The following MEI4 variants were observed in gnomAD, a reference collection of about 807,000 sequenced individuals.
MEI4 encodes meiosis-specific protein MEI4.
A neutral mutation model predicts 31.4 loss-of-function variants in MEI4; 27 were observed. The ratio of observed to expected loss-of-function variants is 0.86; its 90% CI spans 0.63 to 1.19. The LOEUF is 1.19. Ranked by LOEUF, MEI4 falls within the 50% of genes most tolerant of loss-of-function variation. MEI4 has a pLI of 0.00. For synonymous variants in MEI4, 122 were observed against 145.4 expected, an observed-to-expected ratio of 0.84 and a Z score of 1.16; for missense variants, 329 against 398.9, an observed-to-expected ratio of 0.82 and a Z score of 1.49.
At chr6:77,859,779 A>G (rs6941246) in intron 4 of MEI4, among the ~76,000 whole-genome samples, 1 of 152,156 alleles carries the variant, frequency 6.6e-6, no homozygotes, top group East Asian at 1.9e-4. Context: ...CGTACTCACA[A>G]ATGCATTTGA....
chr6:77,923,940 G>A lies in MEI4; in HGVS notation c.*594G>A. Reference sequence around the variant, plus strand: ...GCTAATACATTTGTCGAGCTCTTTTGAAAATACTATTAATTAGTTGTTTAA... The same window carrying A: ...GCTAATACATTTGTCGAGCTCTTTTAAAAATACTATTAATTAGTTGTTTAA... On this transcript the variant is annotated 3_prime_UTR_variant, in exon 5 of 5. Coordinates refer to ENST00000684080, the MANE Select transcript of MEI4 (RefSeq NM_001322247.2). The A allele has an allele frequency of 1.2e-5, 1 of 81,282 alleles. No homozygotes were observed. The highest frequency in any genetic ancestry group is 9.6e-4 in the East Asian group (1 of 1,044). The allele number at this position is 81,282 out of a possible 1,614,324, so 5.0% of individuals were successfully genotyped here. A position where few individuals can be genotyped will look rare whatever the true frequency, so the allele number is the denominator to read the frequency against.
intron 4 of MEI4, among the ~76,000 whole-genome samples, chr6:77,856,037 G>A (rs141621177): frequency 3.9e-5 from 6 of 151,940 alleles, no homozygotes; most frequent in African/African-American, 1.4e-4. Context: ...TCTTCTTCTG[G>A]TATCTTGCCC....
chr6:77,737,211 A>G (rs1036277097), intron 2 of MEI4, among the ~76,000 whole-genome samples: 11 of 152,216 alleles, frequency 7.2e-5, no homozygotes, highest in Non-Finnish European at 1.6e-4. Flanking sequence ...TATACTTTCC[A>G]TAAGTTATTT....
intron 4 of MEI4, among the ~76,000 whole-genome samples, chr6:77,907,429 T>A (rs554116107): frequency 6.6e-6 from 1 of 152,242 alleles, no homozygotes; most frequent in South Asian, 2.1e-4. Flanking sequence ...AGAATGATGG[T>A]TTCCAGCTTC....
intron 1 of MEI4, among the ~76,000 whole-genome samples, chr6:77,655,673 A>G (rs1031392164): frequency 3.9e-5 from 6 of 152,194 alleles, no homozygotes; most frequent in African/African-American, 1.4e-4. Context: ...TCCTTAAAAT[A>G]ACGAAAGTAC....
rs553440043 is a variant in MEI4 at position 77,794,606 on chromosome 6, T to G, written c.768+32941T>G. 5.9e-5 allele frequency among the ~76,000 whole-genome samples: 9 copies of G among 152,150 alleles called. No homozygotes were observed. In the East Asian group the frequency reaches 1.7e-3, roughly 29 times the overall value. On this transcript the variant is annotated intron_variant, in intron 3 of 4. Coordinates refer to ENST00000684080, the MANE Select transcript of MEI4 (RefSeq NM_001322247.2). ...AACATCAAAGCACGTAAATATATTT[T>G]AGTTACAAATATTAACAAAACTGAA... is the stretch of plus-strand genomic sequence containing the variant.
chr6:77,774,771 GT>G (rs1768397429), intron 3 of MEI4, among the ~76,000 whole-genome samples: 1 of 151,916 alleles, frequency 6.6e-6, no homozygotes, highest in African/African-American at 2.4e-5. Flanking sequence ...ACTCATAATA[GT>G]TTAGAAAAAT....
intron 3 of MEI4, among the ~76,000 whole-genome samples, chr6:77,801,372 C>A (rs1644177020): frequency 6.6e-6 from 1 of 151,726 alleles, no homozygotes; most frequent in Non-Finnish European, 1.5e-5. Flanking sequence ...GTCTATTCTT[C>A]TCTGTTTTCT....
intron 3 of MEI4, among the ~76,000 whole-genome samples, chr6:77,822,007 GC>G (rs1769838557): frequency 6.6e-6 from 1 of 152,066 alleles, no homozygotes. Context: ...CTTTTTGCCA[GC>G]AGAGCAACCC....
chr6:77,690,877 G>A lies in MEI4; in HGVS notation c.206G>A (p.Arg69Lys). The A allele has an allele frequency of 8.1e-7, 1 of 1,231,204 alleles. No individual in the cohort carries two copies. Among genetic ancestry groups the A allele is most frequent in the Non-Finnish European group, 1.0e-6 (1 of 987,238 alleles). The allele number at this position is 1,231,204 out of a possible 1,614,324, so 76.3% of individuals were successfully genotyped here. The change falls in exon 2 of 5, where the codon AGG becomes AAG. Residue 69 changes from arginine (R) to lysine (K), a missense_variant. By Grantham distance (26) the Arg-to-Lys change is conservative. Coordinates refer to ENST00000684080, the MANE Select transcript of MEI4 (RefSeq NM_001322247.2). ...MQLRQKLLVS[R>K]LCSGSFKSGY... is the part of the protein sequence containing the mutation. Reference sequence around the variant, plus strand: ...TTACGTCAAAAACTTCTTGTGAGCAGGCTTTGTTCAGGATCCTTTAAGAGT... The same window carrying A: ...TTACGTCAAAAACTTCTTGTGAGCAAGCTTTGTTCAGGATCCTTTAAGAGT...
intron 3 of MEI4, among the ~76,000 whole-genome samples, chr6:77,780,178 A>G (rs934850316): frequency 6.6e-6 from 1 of 152,208 alleles, no homozygotes; most frequent in East Asian, 1.9e-4. Context: ...AGGTTTGCAT[A>G]GCTTCAGTAA....
chr6:77,871,314 T>C (rs1771184795), intron 4 of MEI4, among the ~76,000 whole-genome samples: 1 of 152,326 alleles, frequency 6.6e-6, no homozygotes, highest in South Asian at 2.1e-4. Flanking sequence ...AACAAAAGTC[T>C]ACCTAAAAAA....
chr6:77,711,374 C>A (rs534152002), intron 2 of MEI4, among the ~76,000 whole-genome samples: 1 of 151,994 alleles, frequency 6.6e-6, no homozygotes, highest in African/African-American at 2.4e-5. Flanking sequence ...ATATATAACA[C>A]AACATTACCT....
intron 1 of MEI4, among the ~76,000 whole-genome samples, chr6:77,673,560 TG>T (rs1387256367): frequency 2.0e-5 from 3 of 152,064 alleles, no homozygotes. Context: ...CACACCCTCT[TG>T]GGGGTGTTGG....
rs1769788273 is a variant in MEI4 at position 77,820,401 on chromosome 6, A to C, written c.769-8530A>C. ...CTCAGCCTCCTGAGTAGCTGGGACT[A>C]CAGGCACACGCCACCATGCCCCCCT... On this transcript the variant is annotated intron_variant, in intron 3 of 4. Coordinates refer to ENST00000684080, the MANE Select transcript of MEI4 (RefSeq NM_001322247.2). The surrounding 1 kb of genome is among the most constrained non-coding windows in gnomAD (Gnocchi z 4.5). Among the ~76,000 whole-genome samples the C allele has an allele frequency of 6.6e-6, 1 of 151,904 alleles. No homozygotes were observed. Among genetic ancestry groups the C allele is most frequent in the Non-Finnish European group, 1.5e-5 (1 of 67,904 alleles).
intron 4 of MEI4, among the ~76,000 whole-genome samples, chr6:77,849,895 A>G (rs1770574991): frequency 6.6e-6 from 1 of 152,208 alleles, no homozygotes; most frequent in African/African-American, 2.4e-5. Flanking sequence ...TATTTATCCC[A>G]TGTGGCATAT....
intron 2 of MEI4, among the ~76,000 whole-genome samples, chr6:77,704,980 C>T (rs1766300309): frequency 6.6e-6 from 1 of 151,916 alleles, no homozygotes; most frequent in Admixed American, 6.6e-5. Context: ...GAAAATGAAC[C>T]AACAACAGCA....
intron 2 of MEI4, among the ~76,000 whole-genome samples, chr6:77,699,569 T>A (rs1766158797): frequency 6.6e-6 from 1 of 152,218 alleles, no homozygotes; most frequent in African/African-American, 2.4e-5. Context: ...GAAGCCTTCT[T>A]CTCTCAATTC....
At chr6:77,859,226 C>A (rs1770810836) in intron 4 of MEI4, among the ~76,000 whole-genome samples, 2 of 152,236 alleles carry the variant, frequency 1.3e-5, no homozygotes, top group South Asian at 4.1e-4. Flanking sequence ...CATAGTATTC[C>A]ATACTGTATA....
Sources: allele counts gnomAD v4.1 joint callset (sites outside exome capture counted in the v4.1 genomes callset), GRCh38; gene constraint gnomAD v4.1.1; non-coding constraint Gnocchi (gnomAD v3.1); transcripts MANE v1.5; gene names NCBI Gene and HGNC (gene_info 2026-07-23, HGNC 2026-07-21).